Variants in CHST12 observed in about 807,000 individuals in gnomAD.
CHST12 encodes the protein carbohydrate (chondroitin 4) sulfotransferase 12.
CHST12 carries 23 observed loss-of-function variants against 27.9 expected under a neutral mutation model. The ratio of observed to expected loss-of-function variants is 0.82; its 90% CI spans 0.59 to 1.17. The LOEUF is 1.17. Ranked by LOEUF, CHST12 falls within the 50% of genes most tolerant of loss-of-function variation. The probability of loss-of-function intolerance (pLI) is 0.00; values close to 1 mark genes in which losing one functional copy is unlikely to be tolerated. For synonymous variants in CHST12, 322 were observed against 273.0 expected (o/e 1.18, Z -1.77); for missense variants, 682 against 603.0 (o/e 1.13, Z -1.37).
rs377270467 is a variant in CHST12, at chr7:2,430,703, C to T, written c.-77-1860C>T. On this transcript the variant is annotated intron_variant, in intron 1 of 1. Transcript: ENST00000618655. ...CTGATCTCAAGTGATCCACCTGCCT[C>T]GGCCTCCCAAAGTGCTGGGATTACA... is the stretch of plus-strand genomic sequence containing the variant. Among the ~76,000 whole-genome samples the T allele has an allele frequency of 1.3e-3, 203 of 150,528 alleles. 2 individuals are homozygous for T. The South Asian group carries it at 0.024, about 18-fold the overall frequency.
rs1782737225 is a variant in CHST12, at chr7:2,445,753, A to G, written c.*11869A>G. 6.6e-6 allele frequency: 1 copy of G among 152,288 alleles called. No individual in the cohort carries two copies. The highest frequency in any genetic ancestry group is 6.5e-5 in the Admixed American group (1 of 15,274). The allele number at this position is 152,288 out of a possible 1,614,324, so 9.4% of individuals were successfully genotyped here. On this transcript the variant is annotated 3_prime_UTR_variant, in exon 2 of 2. Coordinates refer to ENST00000618655, the MANE Select transcript of CHST12 (RefSeq NM_018641.5). The stretch of plus-strand genomic sequence containing the variant: ...CCGTTTCATCCCTGCCTCAGCCTGC[A>G]TGCCAAGCTCCCTGGGTGCCCGCCC...
At chr7:2,422,546 CTT>C (rs922944017) in intron 1 of CHST12, among the ~76,000 whole-genome samples, 1 of 143,794 alleles carries the variant, frequency 7.0e-6, no homozygotes, top group Non-Finnish European at 1.5e-5. Flanking sequence ...CGCCCTGCCT[CTT>C]TTTTTTTAGA....
At chr7:2,406,595 CA>C (rs1185610971) in intron 1 of CHST12, among the ~76,000 whole-genome samples, 1 of 152,066 alleles carries the variant, frequency 6.6e-6, no homozygotes, top group African/African-American at 2.4e-5. Flanking sequence ...GCTCCCAGAA[CA>C]TGACCAGCTG....
intron 1 of CHST12, among the ~76,000 whole-genome samples, chr7:2,416,302 C>T (rs1266335292): frequency 6.6e-6 from 1 of 152,204 alleles, no homozygotes; most frequent in African/African-American, 2.4e-5. Flanking sequence ...TCTGCTGTTA[C>T]TTCCTGCACC....
chr7:2,434,116 G>GA lies in CHST12; in HGVS notation c.*232_*233insA. On this transcript the variant is annotated 3_prime_UTR_variant, in exon 2 of 2. Transcript: ENST00000618655. ...CCCTCTCCCCTCCGCCCGCCCACCC[G>GA]CCCGCCCGCTCGCCCGCTCGCCCGC... The GA allele has an allele frequency of 2.8e-6, 1 of 357,946 alleles. No individual in the cohort carries two copies. Among genetic ancestry groups the GA allele is most frequent in the Admixed American group, 4.8e-5 (1 of 20,914 alleles). The allele number at this position is 357,946 out of a possible 1,614,324, so 22.2% of individuals were successfully genotyped here.
In CHST12 at chr7:2,433,012, A is replaced by C. The variant is rs1782336213; in HGVS notation, c.373A>C (p.Arg125=). The C allele has an allele frequency of 1.9e-6, 3 of 1,610,886 alleles. No homozygotes were observed. The highest frequency in any genetic ancestry group is 2.5e-6 in the Non-Finnish European group (3 of 1,179,320). Residue 125 remains arginine (R), a synonymous_variant, in exon 2 of 2, where the codon AGG becomes CGG. Coordinates refer to ENST00000618655, the MANE Select transcript of CHST12 (RefSeq NM_018641.5). This position sits in a 1 kb window ranked among gnomAD's most constrained non-coding sequence, Gnocchi z 6.1. The part of the protein sequence containing the change: ...PDQGRQQAER[R]SVLRGFCANS... ...CCAGGGCCGGCAGCAGGCGGAGCGG[A>C]GGAGCGTGCTGCGGGGCTTCTGCGC...
In CHST12 at chr7:2,435,233, G is replaced by A. The variant is rs1041550616; in HGVS notation, c.*1349G>A. ...TCTGTTTCTAAATAGACAGATAGAAGATAGGTAGATAGATAGATTAAATAG... is the reference window on the plus strand; with the variant it reads ...TCTGTTTCTAAATAGACAGATAGAAAATAGGTAGATAGATAGATTAAATAG... On this transcript the variant is annotated 3_prime_UTR_variant, in exon 2 of 2. Coordinates refer to ENST00000618655, the MANE Select transcript of CHST12 (RefSeq NM_018641.5). 3.9e-5 allele frequency: 6 copies of A among 152,400 alleles called. No individual in the cohort carries two copies. The highest frequency in any genetic ancestry group is 1.4e-4 in the African/African-American group (6 of 41,584). 9.4% of individuals were successfully genotyped at this position (152,400 alleles called of 1,614,324 possible).
rs1353285491 is a variant in CHST12 at position 2,434,411 on chromosome 7, G to C, written c.*527G>C. 2 of 167,900 alleles carry C rather than the reference G, an allele frequency of 1.2e-5. No homozygotes were observed. Among genetic ancestry groups the C allele is most frequent in the Non-Finnish European group, 2.9e-5 (2 of 68,890 alleles). The allele number at this position is 167,900 out of a possible 1,614,324, so 10.4% of individuals were successfully genotyped here. A position where few individuals can be genotyped will look rare whatever the true frequency, so the allele number is the denominator to read the frequency against. Reference sequence around the variant, plus strand: ...GTCAGTTACAGAAGCAGGATTTCTAGGATTTCTAACTCCAGCTGTTCCCAT... The same window carrying C: ...GTCAGTTACAGAAGCAGGATTTCTACGATTTCTAACTCCAGCTGTTCCCAT... On this transcript the variant is annotated 3_prime_UTR_variant, in exon 2 of 2. Coordinates refer to ENST00000618655, the MANE Select transcript of CHST12 (RefSeq NM_018641.5).
intron 1 of CHST12, among the ~76,000 whole-genome samples, chr7:2,422,910 A>G (rs1156273608): frequency 3.3e-5 from 5 of 150,622 alleles, no homozygotes; most frequent in Non-Finnish European, 7.4e-5. Context: ...CTGTCATCTG[A>G]AGAAACTGTT....
Position 2,434,370 on chromosome 7 carries a change from A to G in CHST12, c.*486A>G, listed in dbSNP as rs1220066360. 1.2e-5 allele frequency: 2 copies of G among 169,378 alleles called. No homozygotes were observed. Among genetic ancestry groups the G allele is most frequent in the Admixed American group, 1.3e-4 (2 of 15,734 alleles). 10.5% of individuals were successfully genotyped at this position (169,378 alleles called of 1,614,324 possible). ...CTTCAGGGCTTCCTGTTTGAAGTCA[A>G]GTCAGAGGTAAACCGGTCAGTTACA... On this transcript the variant is annotated 3_prime_UTR_variant, in exon 2 of 2. Coordinates refer to ENST00000618655, the MANE Select transcript of CHST12 (RefSeq NM_018641.5).
In CHST12 at chr7:2,432,590, A is replaced by G. The variant is rs774057994; in HGVS notation, c.-50A>G. 1.9e-6 allele frequency: 3 copies of G among 1,559,432 alleles called. No homozygotes were observed. The highest frequency in any genetic ancestry group is 2.6e-6 in the Non-Finnish European group (3 of 1,149,100). On this transcript the variant is annotated 5_prime_UTR_variant, in exon 2 of 2. Coordinates refer to ENST00000618655, the MANE Select transcript of CHST12 (RefSeq NM_018641.5). ...TCCCAGCAGGATGCCCCGGCTCTGC[A>G]GGAAGCTGAAGTGAGAGGCCCGGAG...
intron 1 of CHST12, among the ~76,000 whole-genome samples, chr7:2,420,243 G>A (rs1369028539): frequency 1.3e-5 from 2 of 152,100 alleles, no homozygotes; most frequent in Non-Finnish European, 2.9e-5. Flanking sequence ...AAAGTGCTGG[G>A]ATTACAGGTG....
intron 1 of CHST12, among the ~76,000 whole-genome samples, chr7:2,419,235 C>G (rs1781896765): frequency 6.6e-6 from 1 of 151,982 alleles, no homozygotes; most frequent in East Asian, 1.9e-4. Flanking sequence ...ATGGTGAAAC[C>G]CCATCTCTAC....
Position 2,434,578 on chromosome 7 carries a change from C to CAAAA in CHST12, c.*694_*695insAAAA. On this transcript the variant is annotated 3_prime_UTR_variant, in exon 2 of 2. Transcript: ENST00000618655. ...CCAACATGGTGAAACCCTGTCTCTA[C>CAAAA]TAAAAAAAAAAAAAAAAAAAAAAAA... 4.9e-5 allele frequency: 1 copy of CAAAA among 20,536 alleles called. No individual in the cohort carries two copies. Among genetic ancestry groups the CAAAA allele is most frequent in the Non-Finnish European group, 1.1e-4 (1 of 8,838 alleles). The allele number at this position is 20,536 out of a possible 1,614,324, so 1.3% of individuals were successfully genotyped here.
chr7:2,407,037 TAA>T (rs752422764), intron 1 of CHST12, among the ~76,000 whole-genome samples: 2 of 143,030 alleles, frequency 1.4e-5, no homozygotes, highest in Non-Finnish European at 3.1e-5. Flanking sequence ...CTCTCGGATG[TAA>T]AAAAAAAAAA....
At chr7:2,424,297 TTACTC>T (rs1451376833) in intron 1 of CHST12, among the ~76,000 whole-genome samples, 18 of 152,226 alleles carry the variant, frequency 1.2e-4, no homozygotes, top group South Asian at 2.1e-4. Context: ...TCACACCACT[TTACTC>T]TAGTCTGGGC....
chr7:2,422,761 C>G (rs1562515006), intron 1 of CHST12, among the ~76,000 whole-genome samples: 1 of 150,732 alleles, frequency 6.6e-6, no homozygotes, highest in East Asian at 2.0e-4. Flanking sequence ...GTCTCGATCT[C>G]TTGACTTTGT....
chr7:2,414,095 C>G (rs953141000), intron 1 of CHST12, among the ~76,000 whole-genome samples: 3 of 151,946 alleles, frequency 2.0e-5, no homozygotes, highest in Admixed American at 2.0e-4. Context: ...TATGTGCTTT[C>G]TGACTATTTG....
Position 2,415,305 on chromosome 7 carries a change from C to G in CHST12, c.-78+11632C>G, listed in dbSNP as rs1781774409. ...CACCTGAACCCCAGAGTAGAGGTTG[C>G]AGTGAGCCGAGATTGTGCCACTGCA... On this transcript the variant is annotated intron_variant, in intron 1 of 1. Transcript: ENST00000618655. 2.7e-5 allele frequency among the ~76,000 whole-genome samples: 4 copies of G among 150,878 alleles called. No individual in the cohort carries two copies. The South Asian group carries it at 8.3e-4, about 31-fold the overall frequency.
Sources: allele counts gnomAD v4.1 joint callset (sites outside exome capture counted in the v4.1 genomes callset), GRCh38; gene constraint gnomAD v4.1.1; non-coding constraint Gnocchi (gnomAD v3.1); transcripts MANE v1.5; gene names NCBI Gene and HGNC (gene_info 2026-07-23, HGNC 2026-07-21).